The following CASK variants were observed in gnomAD, a reference collection of about 807,000 sequenced individuals.
CASK encodes the protein calcium/calmodulin dependent serine protein kinase, also known as peripheral plasma membrane protein CASK.
A neutral mutation model predicts 82.9 loss-of-function variants in CASK; 4 were observed. The observed-to-expected ratio is 0.05, with a 90% CI of 0.02 to 0.11. CASK has a LOEUF of 0.11. Ranked by LOEUF, CASK falls within the 10% of genes least tolerant of loss-of-function variation. The pLI is 1.00. For missense variants in CASK, 358 were observed against 720.9 expected (o/e 0.50, Z 5.76); for synonymous variants, 259 against 253.5 (o/e 1.02, Z -0.20).
At chrX:41,773,193 G>T (rs947880845) in intron 3 of CASK, among the ~76,000 whole-genome samples, 2 of 108,846 alleles carry the variant, frequency 1.8e-5, no homozygotes, top group African/African-American at 3.4e-5. Flanking sequence ...AGACCAGCCT[G>T]GGCAACATGG....
intron 1 of CASK, among the ~76,000 whole-genome samples, chrX:41,913,507 GCTAA>G (rs987582272): frequency 3.6e-5 from 4 of 111,683 alleles, no homozygotes; most frequent in African/African-American, 1.3e-4. Context: ...GGTCAGAGAG[GCTAA>G]CTAACTTGCC....
chrX:41,610,508 T>C (rs904526283), intron 11 of CASK, among the ~76,000 whole-genome samples: 5 of 111,890 alleles, frequency 4.5e-5, no homozygotes, highest in East Asian at 2.8e-4. Flanking sequence ...AATAGGCTTC[T>C]TAGTTTTTAA....
In CASK at chrX:41,750,354, G is replaced by T. The variant is rs1330000745; in HGVS notation, c.279-4753C>A. ...CTCAATTCTTTGATAAACTTTATTT[G>T]ATAATATAATGATTCTACAAACTGA... On this transcript the variant is annotated intron_variant, in intron 3 of 26. Transcript: ENST00000378163. Among the ~76,000 whole-genome samples the T allele has an allele frequency of 4.5e-5, 5 of 112,002 alleles. No homozygotes were observed. In the South Asian group the frequency reaches 1.5e-3, roughly 33 times the overall value.
intron 5 of CASK, among the ~76,000 whole-genome samples, chrX:41,694,806 T>C (rs1211518617): frequency 8.9e-6 from 1 of 111,801 alleles, no homozygotes; most frequent in African/African-American, 3.3e-5. Context: ...ACCCCTACCT[T>C]GGTCTTAGGC....
At chrX:41,590,340 C>T (rs2065724306) in intron 12 of CASK, among the ~76,000 whole-genome samples, 1 of 108,573 alleles carries the variant, frequency 9.2e-6, no homozygotes, top group Non-Finnish European at 1.9e-5. Flanking sequence ...AACCCCGTCT[C>T]TACTAAAAAT....
At chrX:41,780,779 G>T (rs1490135737) in intron 3 of CASK, among the ~76,000 whole-genome samples, 1 of 111,065 alleles carries the variant, frequency 9.0e-6, no homozygotes, top group African/African-American at 3.3e-5. Flanking sequence ...CTCCCGAGTA[G>T]CTGGGATTAC....
intron 11 of CASK, among the ~76,000 whole-genome samples, chrX:41,613,149 G>A (rs1450291454): frequency 8.9e-6 from 1 of 112,410 alleles, no homozygotes; most frequent in Non-Finnish European, 1.9e-5. Flanking sequence ...AGCTCATTGA[G>A]AACAGGCCAT....
At chrX:41,909,947 C>A (rs1431567353) in intron 1 of CASK, among the ~76,000 whole-genome samples, 1 of 111,263 alleles carries the variant, frequency 9.0e-6, no homozygotes, top group Non-Finnish European at 1.9e-5. Context: ...TTGGGCCAGG[C>A]ACAGTGGCTC....
At chrX:41,556,719 A>G (rs2065163471) in intron 19 of CASK, among the ~76,000 whole-genome samples, 1 of 112,692 alleles carries the variant, frequency 8.9e-6, no homozygotes, top group East Asian at 2.7e-4. Context: ...AGAAGTTTAA[A>G]CAAATTTCCG....
At chrX:41,783,556 A>C (rs1371666829) in intron 3 of CASK, among the ~76,000 whole-genome samples, 1 of 110,829 alleles carries the variant, frequency 9.0e-6, no homozygotes, top group Non-Finnish European at 1.9e-5. Context: ...CTCAAAAAAA[A>C]AAAAAAAACA....
intron 1 of CASK, among the ~76,000 whole-genome samples, chrX:41,876,684 T>C (rs1016520477): frequency 8.9e-5 from 10 of 112,010 alleles, no homozygotes; most frequent in Non-Finnish European, 1.5e-4. Flanking sequence ...TAATCAATGG[T>C]TACTTTAAAA....
rs1181275937 is a variant in CASK at position 41,642,337 on chromosome X, G to A, written c.832-5676C>T. Among the ~76,000 whole-genome samples, 4 of 111,994 alleles carry A rather than the reference G, an allele frequency of 3.6e-5. 1 individual carries two copies. Among genetic ancestry groups the A allele is most frequent in the Non-Finnish European group, 7.5e-5 (4 of 53,195 alleles). On this transcript the variant is annotated intron_variant, in intron 8 of 26. Coordinates refer to ENST00000378163, the MANE Select transcript of CASK (RefSeq NM_001367721.1). Reference sequence around the variant, plus strand: ...AATTGCCATACTGTCTTCCACAATGGTTGAACTAGTTTACAGTCCCACCAA... The same window carrying A: ...AATTGCCATACTGTCTTCCACAATGATTGAACTAGTTTACAGTCCCACCAA...
At chrX:41,847,271 C>T (rs769986348) in intron 2 of CASK, among the ~76,000 whole-genome samples, 5 of 111,335 alleles carry the variant, frequency 4.5e-5, no homozygotes, top group Non-Finnish European at 9.4e-5. Flanking sequence ...CCCCAGAGGT[C>T]TCTGAGGCTC....
intron 24 of CASK, among the ~76,000 whole-genome samples, chrX:41,533,626 C>A (rs1238031151): frequency 8.9e-6 from 1 of 112,331 alleles, no homozygotes; most frequent in East Asian, 2.8e-4. Flanking sequence ...GCTCTTCCAA[C>A]CCTGAGCTGC....
At chrX:41,579,801 T>G (rs1316527859) in intron 14 of CASK, among the ~76,000 whole-genome samples, 1 of 111,672 alleles carries the variant, frequency 9.0e-6, no homozygotes, top group Non-Finnish European at 1.9e-5. Flanking sequence ...ACTTGGCTAT[T>G]TAATTTTAAA....
At chrX:41,654,305 A>G (rs1214173211) in intron 8 of CASK, among the ~76,000 whole-genome samples, 1 of 111,708 alleles carries the variant, frequency 9.0e-6, no homozygotes, top group African/African-American at 3.3e-5. Flanking sequence ...GGTGAAACTA[A>G]GAGAAAAAAG....
intron 5 of CASK, among the ~76,000 whole-genome samples, chrX:41,708,798 A>G (rs2067925900): frequency 8.9e-6 from 1 of 111,868 alleles, no homozygotes; most frequent in Admixed American, 9.5e-5. Context: ...CTATTAAAAA[A>G]GTGACCCTCT....
intron 3 of CASK, among the ~76,000 whole-genome samples, chrX:41,775,979 T>A (rs2069356528): frequency 9.2e-6 from 1 of 108,439 alleles, no homozygotes; most frequent in Non-Finnish European, 1.9e-5. Context: ...GGCACACGTA[T>A]ACATATGTAA....
In CASK at chrX:41,520,302, G is replaced by A; in HGVS notation, c.*118C>T. On this transcript the variant is annotated 3_prime_UTR_variant, in exon 27 of 27. Coordinates refer to ENST00000378163, the MANE Select transcript of CASK (RefSeq NM_001367721.1). Reference sequence around the variant, plus strand: ...GACATGACAATAATTATAAATGTAGGTCACACTACAACTAGGTAGTCTCTA... The same window carrying A: ...GACATGACAATAATTATAAATGTAGATCACACTACAACTAGGTAGTCTCTA... 6.3e-6 allele frequency: 3 copies of A among 477,656 alleles called. No homozygotes were observed. Among genetic ancestry groups the A allele is most frequent in the Non-Finnish European group, 1.1e-5 (3 of 282,193 alleles). 39.4% of individuals were successfully genotyped at this position (477,656 alleles called of 1,213,427 possible). A position where few individuals can be genotyped will look rare whatever the true frequency, so the allele number is the denominator to read the frequency against.
Sources: allele counts gnomAD v4.1 joint callset (sites outside exome capture counted in the v4.1 genomes callset), GRCh38; gene constraint gnomAD v4.1.1; transcripts MANE v1.5; gene names NCBI Gene and HGNC (gene_info 2026-07-23, HGNC 2026-07-21).